Variants in CTNNA3 observed in about 807,000 individuals in gnomAD.
The protein encoded by CTNNA3 is catenin alpha 3.
Under a neutral mutation model 95.7 loss-of-function variants are expected in CTNNA3, and 76 were observed. The observed-to-expected ratio is 0.79, with a 90% confidence interval of 0.66 to 0.96. CTNNA3 has a LOEUF of 0.96. Among genes scored for constraint, CTNNA3 ranks in the 40% least tolerant of loss-of-function variants. The pLI is 0.00. For missense variants in CTNNA3, 1,191 were observed against 1,089.8 expected, an observed-to-expected ratio of 1.09 and a Z score of -1.31; for synonymous variants, 431 against 374.4, an observed-to-expected ratio of 1.15 and a Z score of -1.74.
intron 12 of CTNNA3, among the ~76,000 whole-genome samples, chr10:66,332,168 A>T (rs1453748110): frequency 6.6e-6 from 1 of 151,870 alleles, no homozygotes; most frequent in East Asian, 1.9e-4. Context: ...GGTTTTCTAG[A>T]TATACAATCA....
At chr10:67,684,570 C>T (rs1480688909) in intron 1 of CTNNA3, among the ~76,000 whole-genome samples, 3 of 152,162 alleles carry the variant, frequency 2.0e-5, no homozygotes, top group Non-Finnish European at 2.9e-5. Context: ...GCGATGACCG[C>T]TCTAGCTACT....
At chr10:66,247,388 A>G (rs1339522641) in intron 13 of CTNNA3, among the ~76,000 whole-genome samples, 1 of 152,194 alleles carries the variant, frequency 6.6e-6, no homozygotes, top group Non-Finnish European at 1.5e-5. Context: ...GAAGGACACA[A>G]ACATGACTGG....
intron 17 of CTNNA3, among the ~76,000 whole-genome samples, chr10:65,940,234 A>T (rs994069504): frequency 2.0e-5 from 3 of 152,196 alleles, no homozygotes; most frequent in Non-Finnish European, 2.9e-5. Context: ...TGTACTTCTA[A>T]GCCACAAGAA....
At chr10:66,557,722 G>T (rs955639490) in intron 10 of CTNNA3, among the ~76,000 whole-genome samples, 2 of 152,012 alleles carry the variant, frequency 1.3e-5, no homozygotes, top group Non-Finnish European at 2.9e-5. Context: ...TCCTTACTTG[G>T]TTTTCAGAAT....
chr10:66,775,452 G>A lies in CTNNA3; in HGVS notation c.1120C>T (p.Arg374Cys), dbSNP rs370981751. ...DNMCKKTRDLRRQLRKAIIDH... is the reference protein window; with the variant it reads ...DNMCKKTRDLCRQLRKAIIDH... The stretch of plus-strand genomic sequence containing the variant: ...TCTCTCTCTTCCCTCACCTGTCTGC[G>A]AAGGTCTCTTGTCTTCTTACACATG... The change falls in exon 8 of 18, where the codon CGC becomes TGC. Residue 374 changes from arginine to cysteine, a missense_variant. Arg to Cys is a radical substitution (Grantham distance 180, BLOSUM62 -3). Coordinates refer to ENST00000433211, the MANE Select transcript of CTNNA3 (RefSeq NM_013266.4). 99 of 1,607,760 alleles carry A rather than the reference G, an allele frequency of 6.2e-5. No homozygotes were observed. Among genetic ancestry groups the A allele is most frequent in the African/African-American group, 1.3e-4 (10 of 74,682 alleles).
intron 7 of CTNNA3, among the ~76,000 whole-genome samples, chr10:66,910,555 AT>A (rs1846178238): frequency 6.6e-6 from 1 of 152,360 alleles, no homozygotes; most frequent in Admixed American, 6.5e-5. Flanking sequence ...ACAGAAAACT[AT>A]CAAAAGAATG....
intron 12 of CTNNA3, among the ~76,000 whole-genome samples, chr10:66,359,667 C>G (rs1024119812): frequency 1.3e-5 from 2 of 152,094 alleles, no homozygotes; most frequent in African/African-American, 4.8e-5. Context: ...GTCATCCCCC[C>G]CAAACATTCA....
At chr10:67,238,659 G>T (rs1564503995) in intron 5 of CTNNA3, among the ~76,000 whole-genome samples, 1 of 152,000 alleles carries the variant, frequency 6.6e-6, no homozygotes, top group Non-Finnish European at 1.5e-5. Flanking sequence ...AATTTTTATT[G>T]GAAAACGCAT....
intron 5 of CTNNA3, among the ~76,000 whole-genome samples, chr10:67,346,228 C>T (rs1307633916): frequency 6.6e-6 from 1 of 152,084 alleles, no homozygotes; most frequent in Admixed American, 6.6e-5. Flanking sequence ...TTTATTGGCT[C>T]ATCCTGTAGT....
chr10:66,949,752 A>G lies in CTNNA3; in HGVS notation c.1048-174228T>C, dbSNP rs1848443364. On this transcript the variant is annotated intron_variant, in intron 7 of 17. Coordinates refer to ENST00000433211, the MANE Select transcript of CTNNA3 (RefSeq NM_013266.4). ...GCAAATACCAGCAGACTTGCTAGAC[A>G]CAGGCAGCAGCCTCCAATTTCACAG... Among the ~76,000 whole-genome samples the G allele has an allele frequency of 1.3e-5, 2 of 152,176 alleles. 1 individual carries two copies. Among genetic ancestry groups the G allele is most frequent in the South Asian group, 4.1e-4 (2 of 4,836 alleles).
At chr10:66,336,252 C>T (rs548823750) in intron 12 of CTNNA3, among the ~76,000 whole-genome samples, 38 of 152,068 alleles carry the variant, frequency 2.5e-4, no homozygotes, top group East Asian at 7.7e-4. Flanking sequence ...ACCCACTGTC[C>T]GACAATCCCC....
chr10:66,467,628 A>AT (rs1838970997), intron 11 of CTNNA3, among the ~76,000 whole-genome samples: 1 of 151,942 alleles, frequency 6.6e-6, no homozygotes, highest in African/African-American at 2.4e-5. Context: ...CCCTCTGAAA[A>AT]CTTTTGTTGT....
rs567070485 is a variant in CTNNA3, at chr10:67,478,961, G to T, written c.579+42881C>A. 2.9e-3 allele frequency among the ~76,000 whole-genome samples: 442 copies of T among 152,032 alleles called. 4 individuals carry two copies. Among genetic ancestry groups the T allele is most frequent in the Non-Finnish European group, 2.4e-3 (166 of 67,974 alleles). On this transcript the variant is annotated intron_variant, in intron 5 of 17. Transcript: ENST00000433211. ...AACAGAAAACAAAAAAACGGCGGGA[G>T]TTGGTATTCTTTTATCAGATAAAAC...
intron 9 of CTNNA3, among the ~76,000 whole-genome samples, chr10:66,705,894 C>T (rs1480098087): frequency 1.3e-5 from 2 of 152,046 alleles, no homozygotes; most frequent in Non-Finnish European, 2.9e-5. Context: ...AAGCAGGCAT[C>T]CCTTCTAATC....
chr10:66,457,763 T>C (rs898683342), intron 11 of CTNNA3, among the ~76,000 whole-genome samples: 1 of 151,828 alleles, frequency 6.6e-6, no homozygotes, highest in African/African-American at 2.4e-5. Flanking sequence ...TAGCGAGTAA[T>C]GTGATGATGT....
At chr10:66,443,352 C>T (rs908585058) in intron 11 of CTNNA3, among the ~76,000 whole-genome samples, 21 of 152,206 alleles carry the variant, frequency 1.4e-4, no homozygotes. Context: ...AACAGGCAGA[C>T]TGCCTCCTTA....
At chr10:66,611,848 T>G (rs1844340884) in intron 10 of CTNNA3, among the ~76,000 whole-genome samples, 1 of 152,152 alleles carries the variant, frequency 6.6e-6, no homozygotes, top group South Asian at 2.1e-4. Flanking sequence ...AGGTTACGCC[T>G]TTGATTCTTT....
chr10:65,969,846 C>T (rs1404252779), intron 16 of CTNNA3, among the ~76,000 whole-genome samples: 1 of 151,996 alleles, frequency 6.6e-6, no homozygotes, highest in Non-Finnish European at 1.5e-5. Context: ...AGAAAAAATA[C>T]TTGAAGTGAT....
chr10:66,167,462 G>A (rs371409357), intron 13 of CTNNA3, among the ~76,000 whole-genome samples: 2 of 152,192 alleles, frequency 1.3e-5, no homozygotes, highest in Non-Finnish European at 1.5e-5. Context: ...CAAATGAATC[G>A]TTTTAAAAGA....
Sources: gnomAD v4.1 joint callset for allele counts (sites outside exome capture counted in the v4.1 genomes callset) on GRCh38, gnomAD v4.1.1 for gene constraint, MANE v1.5 for transcripts, NCBI Gene and HGNC (gene_info 2026-07-23, HGNC 2026-07-21) for gene names.